Variants in LOC128706665 observed in about 807,000 individuals in gnomAD.
the LOC128706665 span, among the ~76,000 whole-genome samples, chr20:10,433,465 C>T: frequency 1.3e-5 from 2 of 152,136 alleles, no homozygotes; most frequent in Non-Finnish European, 2.9e-5. Flanking sequence ...GCTGTAGACA[C>T]GTGTATATCT....
the LOC128706665 span, among the ~76,000 whole-genome samples, chr20:10,427,746 C>G: frequency 6.6e-6 from 1 of 152,158 alleles, no homozygotes; most frequent in Admixed American, 6.5e-5. Flanking sequence ...TAAAATAACA[C>G]TCATTTTGCT....
the LOC128706665 span, among the ~76,000 whole-genome samples, chr20:10,432,535 G>A: frequency 6.6e-6 from 1 of 152,162 alleles, no homozygotes; most frequent in Non-Finnish European, 1.5e-5. Flanking sequence ...GGTCATGCCT[G>A]TAATCCCAGC....
At chr20:10,419,665 A>G in the LOC128706665 span, among the ~76,000 whole-genome samples, 21,919 of 152,186 alleles carry the variant, frequency 0.14, 1,780 homozygotes, top group East Asian at 0.24. Context: ...GTAAAGTAAC[A>G]GTTACCTGAA....
chr20:10,423,886 T>C, the LOC128706665 span, among the ~76,000 whole-genome samples: 1 of 152,338 alleles, frequency 6.6e-6, no homozygotes, highest in African/African-American at 2.4e-5. Flanking sequence ...GGTTAGTAAA[T>C]GATGTAGACT....
the LOC128706665 span, among the ~76,000 whole-genome samples, chr20:10,429,071 C>T: frequency 6.6e-6 from 1 of 152,188 alleles, no homozygotes; most frequent in South Asian, 2.1e-4. Context: ...GGCAACTGCC[C>T]TTTACCATCT....
At chr20:10,424,152 A>G in the LOC128706665 span, among the ~76,000 whole-genome samples, 1 of 152,226 alleles carries the variant, frequency 6.6e-6, no homozygotes, top group Admixed American at 6.5e-5. Context: ...CACTGTACAT[A>G]TAATAGTCCC....
At chr20:10,430,414 C>CT in the LOC128706665 span, among the ~76,000 whole-genome samples, 1 of 114,334 alleles carries the variant, frequency 8.7e-6, no homozygotes, top group African/African-American at 2.8e-5. Flanking sequence ...TATCACAATA[C>CT]TTGGCACTTT....
At chr20:10,433,855 C>T in the LOC128706665 span, among the ~76,000 whole-genome samples, 1 of 152,168 alleles carries the variant, frequency 6.6e-6, no homozygotes, top group Non-Finnish European at 1.5e-5. Context: ...TCCAGCTCTC[C>T]CCACCGGCGG....
chr20:10,421,993 C>T, the LOC128706665 span, among the ~76,000 whole-genome samples: 1 of 152,034 alleles, frequency 6.6e-6, no homozygotes, highest in Admixed American at 6.6e-5. Context: ...TCCTAAATTA[C>T]TTTATTTTTG....
chr20:10,418,127 G>C, the LOC128706665 span, among the ~76,000 whole-genome samples: 1 of 152,084 alleles, frequency 6.6e-6, no homozygotes, highest in Non-Finnish European at 1.5e-5. Flanking sequence ...ATGTGTTTGT[G>C]TATGTGTGTT....
the LOC128706665 span, among the ~76,000 whole-genome samples, chr20:10,418,700 G>A: frequency 6.6e-6 from 1 of 151,998 alleles, no homozygotes; most frequent in Non-Finnish European, 1.5e-5. Flanking sequence ...TTTTGCATGA[G>A]AAGAAACTAC....
chr20:10,433,895 C>G, the LOC128706665 span, among the ~76,000 whole-genome samples: 1 of 152,306 alleles, frequency 6.6e-6, no homozygotes, highest in African/African-American at 2.4e-5. Context: ...GCATCCGTGC[C>G]GACCGCAACA....
At chr20:10,418,978 T>G in the LOC128706665 span, among the ~76,000 whole-genome samples, 1 of 152,186 alleles carries the variant, frequency 6.6e-6, no homozygotes, top group Non-Finnish European at 1.5e-5. Flanking sequence ...TGTTACTACC[T>G]GGCTTTTATA....
chr20:10,431,513 C>T, the LOC128706665 span, among the ~76,000 whole-genome samples: 1 of 148,128 alleles, frequency 6.8e-6, no homozygotes, highest in African/African-American at 2.6e-5. Context: ...TAACTCAATG[C>T]TGTATAGGGT....
the LOC128706665 span, among the ~76,000 whole-genome samples, chr20:10,430,718 G>A: frequency 7.2e-5 from 11 of 152,198 alleles, no homozygotes; most frequent in African/African-American, 2.7e-4. Context: ...TAACTGTCAA[G>A]CTTCTAAAGT....
At chr20:10,434,212 C>T in the LOC128706665 span, 1 of 152,268 alleles carries the variant, frequency 6.6e-6, no homozygotes, top group Non-Finnish European at 1.5e-5. Flanking sequence ...CTTCGCGTCG[C>T]GCGAGGGCAC....
At chr20:10,416,030 T>C in the LOC128706665 span, among the ~76,000 whole-genome samples, 1 of 152,168 alleles carries the variant, frequency 6.6e-6, no homozygotes, top group Non-Finnish European at 1.5e-5. Flanking sequence ...AGAACATGTT[T>C]GGAAGTATCA....
chr20:10,419,889 G>T, the LOC128706665 span, among the ~76,000 whole-genome samples: 1 of 152,182 alleles, frequency 6.6e-6, no homozygotes, highest in Non-Finnish European at 1.5e-5. Flanking sequence ...GACTAGGGTT[G>T]ACTGCAGGTA....
the LOC128706665 span, among the ~76,000 whole-genome samples, chr20:10,432,957 G>T: frequency 1.2e-4 from 19 of 152,268 alleles, no homozygotes; most frequent in Middle Eastern, 3.4e-3. Context: ...AAGAAAAAAG[G>T]TCTGCACGTG....
Sources: allele counts gnomAD v4.1 joint callset (sites outside exome capture counted in the v4.1 genomes callset), GRCh38; gene constraint gnomAD v4.1.1; transcripts MANE v1.5.